GRM8: variants seen among roughly 807,000 people sequenced by gnomAD.
GRM8 encodes the protein glutamate metabotropic receptor 8.
Under a neutral mutation model 87.2 loss-of-function variants are expected in GRM8, and 47 were observed. The ratio of observed to expected loss-of-function variants is 0.54; its 90% CI spans 0.43 to 0.69. The LOEUF is 0.69. Among genes scored for constraint, GRM8 ranks in the 30% least tolerant of loss-of-function variants. GRM8 has a pLI of 0.00. For synonymous variants in GRM8, 396 were observed against 404.5 expected, an observed-to-expected ratio of 0.98 and a Z score of 0.25; for missense variants, 1,019 against 1,139.2, an observed-to-expected ratio of 0.89 and a Z score of 1.52.
At chr7:126,459,724 G>A (rs900070162) in intron 9 of GRM8, among the ~76,000 whole-genome samples, 2 of 151,360 alleles carry the variant, frequency 1.3e-5, no homozygotes, top group African/African-American at 2.4e-5. Context: ...GCTATCTCTG[G>A]GGAGCCTGGA....
At position 127,232,258 on chromosome 7, in the gene GRM8, TC is replaced by T. The variant is rs201387513; in HGVS notation, c.510+10436del. The stretch of plus-strand genomic sequence containing the variant: ...GAGAGAGACAGACAGACAGACAGGG[TC>T]TCACTCTGTTTCCCAGGCTGGAGTG... On this transcript the variant is annotated intron_variant, in intron 2 of 10. Coordinates refer to ENST00000339582, the MANE Select transcript of GRM8 (RefSeq NM_000845.3). Among the ~76,000 whole-genome samples the T allele has an allele frequency of 7.1e-3, 1,060 of 149,912 alleles. 11 individuals are homozygous for T. Among genetic ancestry groups the T allele is most frequent in the African/African-American group, 0.022 (907 of 40,732 alleles).
intron 6 of GRM8, among the ~76,000 whole-genome samples, chr7:126,853,155 A>C (rs181424747): frequency 1.2e-4 from 18 of 152,314 alleles, no homozygotes; most frequent in Admixed American, 8.5e-4. Context: ...CAGCCATTTT[A>C]TGTTAACAGT....
At chr7:126,529,614 T>G (rs1263067601) in intron 9 of GRM8, among the ~76,000 whole-genome samples, 2 of 152,184 alleles carry the variant, frequency 1.3e-5, no homozygotes, top group Non-Finnish European at 2.9e-5. Flanking sequence ...TTTGAGGGTG[T>G]TTTGTTTTGT....
intron 3 of GRM8, among the ~76,000 whole-genome samples, chr7:127,085,275 G>A (rs186865048): frequency 1.5e-4 from 23 of 152,318 alleles, no homozygotes; most frequent in African/African-American, 4.3e-4. Context: ...ATAAACATAC[G>A]TGTGCATGTG....
intron 3 of GRM8, among the ~76,000 whole-genome samples, chr7:127,016,777 T>A (rs1010306857): frequency 2.6e-5 from 4 of 152,112 alleles, no homozygotes; most frequent in African/African-American, 9.6e-5. Context: ...ACATTCACAA[T>A]ATGCTTGTAG....
chr7:127,241,105 T>A (rs1798265889), intron 2 of GRM8, among the ~76,000 whole-genome samples: 1 of 152,224 alleles, frequency 6.6e-6, no homozygotes, highest in Admixed American at 6.5e-5. Context: ...CTGCTTAGCA[T>A]CCTCCTTATT....
chr7:126,867,393 A>G (rs1370132743), intron 6 of GRM8, among the ~76,000 whole-genome samples: 1 of 152,194 alleles, frequency 6.6e-6, no homozygotes, highest in Non-Finnish European at 1.5e-5. Flanking sequence ...TAAATTGGGC[A>G]CTTTCTTACC....
intron 3 of GRM8, among the ~76,000 whole-genome samples, chr7:127,092,093 C>T (rs1824195402): frequency 6.8e-6 from 1 of 146,124 alleles, no homozygotes; most frequent in East Asian, 2.1e-4. Context: ...ACTGGTCATT[C>T]CCCCGTTCCA....
chr7:127,243,661 C>T (rs1798431070), intron 1 of GRM8, 146 bp from the exon 2 acceptor site: 1 of 158,946 alleles, frequency 6.3e-6, no homozygotes, highest in Non-Finnish European at 1.4e-5. Context: ...TTCTGAACAC[C>T]TGGCTGCACT....
chr7:127,008,526 T>C (rs1477489545), intron 3 of GRM8, among the ~76,000 whole-genome samples: 1 of 152,142 alleles, frequency 6.6e-6, no homozygotes, highest in African/African-American at 2.4e-5. Flanking sequence ...TGCTGTTCTC[T>C]AAATTATTTC....
intron 7 of GRM8, among the ~76,000 whole-genome samples, chr7:126,699,382 T>C (rs1335029798): frequency 1.3e-5 from 2 of 152,212 alleles, no homozygotes; most frequent in African/African-American, 4.8e-5. Flanking sequence ...TTTTATCTGC[T>C]GGACTGATGC....
chr7:126,783,819 G>A (rs1820350047), intron 6 of GRM8, among the ~76,000 whole-genome samples: 1 of 152,126 alleles, frequency 6.6e-6, no homozygotes, highest in South Asian at 2.1e-4. Flanking sequence ...GATCCAAGAT[G>A]AGGTAAGTGC....
At chr7:126,503,168 C>T (rs1290482712) in intron 9 of GRM8, among the ~76,000 whole-genome samples, 1 of 151,880 alleles carries the variant, frequency 6.6e-6, no homozygotes, top group Non-Finnish European at 1.5e-5. Flanking sequence ...CATCAAGCAG[C>T]AGCATATCTG....
chr7:126,958,523 C>T (rs1808976336), intron 3 of GRM8, among the ~76,000 whole-genome samples: 1 of 152,182 alleles, frequency 6.6e-6, no homozygotes, highest in South Asian at 2.1e-4. Flanking sequence ...AGCCAGCGCG[C>T]CTGGCTGTGC....
chr7:126,600,398 G>A (rs763153643), intron 8 of GRM8, among the ~76,000 whole-genome samples: 1 of 152,090 alleles, frequency 6.6e-6, no homozygotes, highest in Admixed American at 6.6e-5. Flanking sequence ...CTGACTAGGG[G>A]AAATGATCAT....
At chr7:126,869,931 A>AT (rs1236872443) in intron 6 of GRM8, 16 of 94,924 alleles carry the variant, frequency 1.7e-4, no homozygotes, top group Non-Finnish European at 2.4e-4. Flanking sequence ...TTCCTCATAG[A>AT]TTAAAAAAAA....
At chr7:127,187,255 AAT>A (rs1215445856) in intron 2 of GRM8, among the ~76,000 whole-genome samples, 20 of 152,160 alleles carry the variant, frequency 1.3e-4, no homozygotes, top group Admixed American at 1.0e-3. Context: ...AACATCGTTT[AAT>A]ATCAAAACAT....
Position 126,533,294 on chromosome 7 carries a change from C to T in GRM8, c.2088G>A (p.Leu696=), listed in dbSNP as rs148250335. 90 of 1,613,564 alleles carry T rather than the reference C, an allele frequency of 5.6e-5. No individual in the cohort carries two copies. The highest frequency in any genetic ancestry group is 7.5e-5 in the Non-Finnish European group (88 of 1,179,912). ...CGGAGATGAGGCTGAAGGTGATCAC[C>T]AGCTGAGATGCTGGACTAATGAACT... ...APKFISPASQ[L]VITFSLISVQ... The change falls in exon 9 of 11, where the codon CTG becomes CTA. Residue 696 remains leucine, a synonymous_variant. Coordinates refer to ENST00000339582, the MANE Select transcript of GRM8 (RefSeq NM_000845.3).
chr7:126,488,859 T>C (rs1052488819), intron 9 of GRM8, among the ~76,000 whole-genome samples: 2 of 152,104 alleles, frequency 1.3e-5, no homozygotes, highest in African/African-American at 4.8e-5. Context: ...ATCTTAATTT[T>C]TTAGTGTAGG....
Sources: allele counts gnomAD v4.1 joint callset (sites outside exome capture counted in the v4.1 genomes callset), GRCh38; gene constraint gnomAD v4.1.1; transcripts MANE v1.5; gene names NCBI Gene and HGNC (gene_info 2026-07-23, HGNC 2026-07-21).